AKAP13: variants seen among roughly 807,000 people sequenced by gnomAD.
The protein encoded by AKAP13 is A-kinase anchoring protein 13.
In AKAP13, 80 loss-of-function variants were observed where a neutral mutation model predicts 264.5. The observed-to-expected ratio is 0.30, with a 90% CI of 0.25 to 0.36. AKAP13 has a LOEUF of 0.36. Among genes scored for constraint, AKAP13 ranks in the 10% least tolerant of loss-of-function variants. AKAP13 has a pLI of 1.00. For synonymous variants in AKAP13, 1,380 were observed against 1,250.2 expected, an observed-to-expected ratio of 1.10 and a Z score of -2.19; for missense variants, 3,712 against 3,435.2, an observed-to-expected ratio of 1.08 and a Z score of -2.01.
At chr15:85,730,997 CTTTTTTT>C (rs71468134) in intron 30 of AKAP13, among the ~76,000 whole-genome samples, 5 of 57,382 alleles carry the variant, frequency 8.7e-5, no homozygotes, top group African/African-American at 3.1e-4. Context: ...GTCACTTATG[CTTTTTTT>C]TTTTTTTTTT....
At chr15:85,397,881 T>A (rs976478642) in intron 1 of AKAP13, among the ~76,000 whole-genome samples, 7 of 152,222 alleles carry the variant, frequency 4.6e-5, no homozygotes, top group Non-Finnish European at 8.8e-5. Flanking sequence ...ATAATTGCCA[T>A]CATTTATTAT....
rs769134589 is a variant in AKAP13 at position 85,741,213 on chromosome 15, C to T, written c.7776C>T (p.Ala2592=). Residue 2592 remains alanine, a synonymous_variant, in exon 35 of 37, where the codon GCC becomes GCT. Coordinates refer to ENST00000394518, the MANE Select transcript of AKAP13 (RefSeq NM_007200.5). ...QDLANLQKQQ[A]QYLEEKRRRE... ...TGGCCAACCTGCAGAAGCAGCAGGC[C>T]CAGTACCTCGAGGAGAAGCGCAGGC... 2 of 1,609,912 alleles carry T rather than the reference C, an allele frequency of 1.2e-6. No individual in the cohort carries two copies. Among genetic ancestry groups the T allele is most frequent in the South Asian group, 1.1e-5 (1 of 90,598 alleles).
chr15:85,637,979 C>T (rs963872932), intron 8 of AKAP13, among the ~76,000 whole-genome samples: 1 of 143,476 alleles, frequency 7.0e-6, no homozygotes, highest in African/African-American at 2.8e-5. Flanking sequence ...GGGTTCATGC[C>T]GTTCTGCCTC....
At chr15:85,501,600 A>C (rs58720149) in intron 2 of AKAP13, among the ~76,000 whole-genome samples, 1 of 152,204 alleles carries the variant, frequency 6.6e-6, no homozygotes, top group African/African-American at 2.4e-5. Context: ...CCACTATGCT[A>C]TATGTCCTAC....
chr15:85,443,436 T>C (rs1362980598), intron 1 of AKAP13, among the ~76,000 whole-genome samples: 2 of 152,184 alleles, frequency 1.3e-5, no homozygotes, highest in African/African-American at 4.8e-5. Context: ...GCAAGTCCAC[T>C]CACTTTCTTC....
chr15:85,478,338 C>T (rs2075243957), intron 1 of AKAP13, among the ~76,000 whole-genome samples: 1 of 122,212 alleles, frequency 8.2e-6, no homozygotes, highest in African/African-American at 2.9e-5. Context: ...AGTGTACTCT[C>T]CTACACAACT....
intron 1 of AKAP13, among the ~76,000 whole-genome samples, chr15:85,393,711 G>C (rs1175944329): frequency 6.6e-6 from 1 of 152,144 alleles, no homozygotes; most frequent in African/African-American, 2.4e-5. Flanking sequence ...AGGGTTTAGA[G>C]ATTTAAGTTT....
intron 8 of AKAP13, among the ~76,000 whole-genome samples, chr15:85,632,533 TA>T (rs1242047384): frequency 4.6e-5 from 7 of 152,182 alleles, no homozygotes; most frequent in African/African-American, 1.7e-4. Context: ...CTTTTGCTGA[TA>T]AAACCTGCAG....
intron 14 of AKAP13, among the ~76,000 whole-genome samples, chr15:85,681,773 C>A (rs2084614356): frequency 6.7e-6 from 1 of 149,068 alleles, no homozygotes; most frequent in African/African-American, 2.5e-5. Context: ...TAAAATATGA[C>A]ATTTAATTTC....
At chr15:85,562,686 CTTTTCTTTTT>C (rs1205137974) in intron 5 of AKAP13, among the ~76,000 whole-genome samples, 3 of 61,102 alleles carry the variant, frequency 4.9e-5, no homozygotes, top group Non-Finnish European at 9.6e-5. Context: ...CTTTTCTTTT[CTTTTCTTTTT>C]TTTTTTTTTT....
In AKAP13 at chr15:85,746,457, A is replaced by G. The variant is rs2089372120; in HGVS notation, c.*1780A>G. 6.6e-6 allele frequency: 1 copy of G among 152,058 alleles called. No homozygotes were observed. Among genetic ancestry groups the G allele is most frequent in the Admixed American group, 6.5e-5 (1 of 15,274 alleles). The allele number at this position is 152,058 out of a possible 1,614,324, so 9.4% of individuals were successfully genotyped here. A position where few individuals can be genotyped will look rare whatever the true frequency, so the allele number is the denominator to read the frequency against. Reference sequence around the variant, plus strand: ...ATGAAATTTTAAAGGGAGGGGGTCCATGTCCTTCCCTCCCCCACCCCGCCT... The same window carrying G: ...ATGAAATTTTAAAGGGAGGGGGTCCGTGTCCTTCCCTCCCCCACCCCGCCT... On this transcript the variant is annotated 3_prime_UTR_variant, in exon 37 of 37. Coordinates refer to ENST00000394518, the MANE Select transcript of AKAP13 (RefSeq NM_007200.5).
intron 1 of AKAP13, among the ~76,000 whole-genome samples, chr15:85,483,607 T>C (rs1392137054): frequency 3.2e-5 from 4 of 123,328 alleles, no homozygotes; most frequent in Non-Finnish European, 6.4e-5. Context: ...CAGTCCGGCC[T>C]GGGCGACAGA....
intron 14 of AKAP13, among the ~76,000 whole-genome samples, chr15:85,678,524 TAA>T: frequency 6.6e-6 from 1 of 152,242 alleles, no homozygotes. Context: ...AAATCCACTC[TAA>T]CTTTGGGTAT....
intron 1 of AKAP13, among the ~76,000 whole-genome samples, chr15:85,473,825 CA>C (rs1423957895): frequency 6.6e-6 from 1 of 152,162 alleles, no homozygotes. Context: ...TGTGGTAGGT[CA>C]AATGAGATGC....
At chr15:85,583,227 T>C (rs2079197313) in intron 7 of AKAP13, 1 of 944,720 alleles carries the variant, frequency 1.1e-6, no homozygotes, top group Non-Finnish European at 1.3e-6. Context: ...TTTTTGAAAA[T>C]CCCTTTACAC....
At chr15:85,417,969 A>G (rs1313222837) in intron 1 of AKAP13, among the ~76,000 whole-genome samples, 3 of 151,926 alleles carry the variant, frequency 2.0e-5, no homozygotes, top group Non-Finnish European at 2.9e-5. Flanking sequence ...TTAATTCAAT[A>G]TATAAAAGTT....
intron 15 of AKAP13, among the ~76,000 whole-genome samples, chr15:85,683,292 AC>A (rs1315061194): frequency 6.6e-6 from 1 of 152,092 alleles, no homozygotes; most frequent in Non-Finnish European, 1.5e-5. Context: ...TGTTGACAGG[AC>A]CCCTTGTGGT....
At chr15:85,710,136 G>A (rs1353991139) in intron 18 of AKAP13, among the ~76,000 whole-genome samples, 1 of 152,206 alleles carries the variant, frequency 6.6e-6, no homozygotes, top group African/African-American at 2.4e-5. Context: ...CAATAATTTA[G>A]CACCTTATAA....
intron 8 of AKAP13, among the ~76,000 whole-genome samples, chr15:85,598,666 G>C (rs1246583153): frequency 1.3e-5 from 2 of 152,142 alleles, no homozygotes; most frequent in Non-Finnish European, 2.9e-5. Context: ...GGTAAAATAA[G>C]ACAGATTTCA....
Sources: gnomAD v4.1 joint callset for allele counts (sites outside exome capture counted in the v4.1 genomes callset) on GRCh38, gnomAD v4.1.1 for gene constraint, MANE v1.5 for transcripts, NCBI Gene and HGNC (gene_info 2026-07-23, HGNC 2026-07-21) for gene names.